ANK1: variants seen among roughly 807,000 people sequenced by gnomAD.
ANK1 encodes the protein ankyrin-1.
ANK1 carries 51 observed loss-of-function variants against 210.4 expected under a neutral mutation model. The ratio of observed to expected loss-of-function variants is 0.24; its 90% CI spans 0.19 to 0.31. The LOEUF (loss-of-function observed/expected upper bound fraction) is 0.31. Among genes scored for constraint, ANK1 ranks in the 10% least tolerant of loss-of-function variants. The pLI, the probability that ANK1 is intolerant of heterozygous loss-of-function variation, is 1.00. For missense variants in ANK1, 2,051 were observed against 2,504.4 expected (o/e 0.82, Z 3.86); for synonymous variants, 967 against 1,025.9 (o/e 0.94, Z 1.10).
At chr8:41,700,256 G>A (rs900488066) in intron 22 of ANK1, among the ~76,000 whole-genome samples, 6 of 152,206 alleles carry the variant, frequency 3.9e-5, no homozygotes, top group Non-Finnish European at 8.8e-5. Flanking sequence ...GGAGGTGCCC[G>A]CCAGGCATGG....
chr8:41,778,923 GGAGA>G (rs1554616197), intron 1 of ANK1, among the ~76,000 whole-genome samples: 3 of 152,232 alleles, frequency 2.0e-5, no homozygotes, highest in Non-Finnish European at 2.9e-5. Flanking sequence ...ATGGGAGGGA[GGAGA>G]GAGAGATAGA....
chr8:41,688,465 C>T, intron 34 of ANK1, 46 bp downstream of exon 34: 1 of 1,600,482 alleles, frequency 6.2e-7, no homozygotes, highest in Non-Finnish European at 8.6e-7. Flanking sequence ...CACGCCCACC[C>T]TTCTTGGGAA....
chr8:41,715,599 G>C, intron 14 of ANK1, 53 bp downstream of exon 14: 2 of 1,602,542 alleles, frequency 1.2e-6, no homozygotes, highest in Non-Finnish European at 1.7e-6. Context: ...CGAGCTCCAG[G>C]CCTGGCTGAG....
intron 4 of ANK1, 70 bp downstream of exon 4, chr8:41,727,838 C>G: frequency 2.0e-6 from 3 of 1,474,754 alleles, no homozygotes; most frequent in Non-Finnish European, 2.8e-6. Context: ...AATGGACCCA[C>G]GAGGGAGCAG....
Position 41,797,545 on chromosome 8 carries a change from C to T in ANK1, c.-7G>A. ...AGCCCACAGAATAGGGCATGCCGGT[C>T]TTTCAGCAGGGGCCCGCCGAAGGGC... On this transcript the variant is annotated 5_prime_UTR_variant, in exon 1 of 43. Transcript: ENST00000289734. The surrounding 1 kb of genome is among the most constrained non-coding windows in gnomAD (Gnocchi z 4.0). 9 of 1,613,700 alleles carry T rather than the reference C, an allele frequency of 5.6e-6. No homozygotes were observed. The highest frequency in any genetic ancestry group is 7.6e-6 in the Non-Finnish European group (9 of 1,179,906).
At chr8:41,829,379 C>G (rs1277258521) in intron 1 of ANK1, 1 of 152,232 alleles carries the variant, frequency 6.6e-6, no homozygotes, top group African/African-American at 2.4e-5. Flanking sequence ...GGCACATGCC[C>G]ATCGCAACCT....
chr8:41,739,095 G>A (rs1316567892), intron 2 of ANK1, among the ~76,000 whole-genome samples: 3 of 152,114 alleles, frequency 2.0e-5, no homozygotes, highest in Non-Finnish European at 2.9e-5. Flanking sequence ...AATTACATGT[G>A]TTTTAGACCA....
Position 41,696,666 on chromosome 8 carries a change from C to G in ANK1, c.2735+10G>C. Reference sequence around the variant, plus strand: ...GACAGGAGTCCCCGAGCCCTGCGCCCGCCACTCACCCTGTATGCACCGGGC... The same window carrying G: ...GACAGGAGTCCCCGAGCCCTGCGCCGGCCACTCACCCTGTATGCACCGGGC... On this transcript the variant is annotated intron_variant, in intron 25 of 42. Coordinates refer to ENST00000289734, the MANE Select transcript of ANK1 (RefSeq NM_000037.4). The G allele has an allele frequency of 6.2e-7, 1 of 1,604,894 alleles. No homozygotes were observed. The highest frequency in any genetic ancestry group is 8.5e-7 in the Non-Finnish European group (1 of 1,179,862).
At chr8:41,765,808 G>A (rs2150726149) in intron 1 of ANK1, among the ~76,000 whole-genome samples, 1 of 152,238 alleles carries the variant, frequency 6.6e-6, no homozygotes, top group East Asian at 1.9e-4. Context: ...GGGGTGCGAG[G>A]GGGCTCCAGT....
In ANK1 at chr8:41,764,040, A is replaced by G. The variant is rs114005530; in HGVS notation, c.28-5903T>C. Among the ~76,000 whole-genome samples the G allele has an allele frequency of 4.1e-3, 616 of 151,712 alleles. 3 individuals are homozygous for G. The highest frequency in any genetic ancestry group is 0.011 in the African/African-American group (438 of 41,408). The stretch of plus-strand genomic sequence containing the variant: ...ATCATTCAGTTTAATTCCACAATGT[A>G]TTTACTGGGGTCCTATTTCAGGACC... On this transcript the variant is annotated intron_variant, in intron 1 of 42. Coordinates refer to ENST00000289734, the MANE Select transcript of ANK1 (RefSeq NM_000037.4).
intron 1 of ANK1, among the ~76,000 whole-genome samples, chr8:41,770,021 G>A (rs1476860548): frequency 1.2e-5 from 1 of 80,052 alleles, no homozygotes; most frequent in African/African-American, 5.2e-5. Flanking sequence ...AGCTCTTGTT[G>A]CCCAGGCTGG....
intron 1 of ANK1, among the ~76,000 whole-genome samples, chr8:41,865,665 C>G (rs1814279196): frequency 6.6e-6 from 1 of 152,116 alleles, no homozygotes. Context: ...ACCATGCACT[C>G]AGCCAGCCTC....
chr8:41,845,719 C>A (rs746223990), intron 1 of ANK1, among the ~76,000 whole-genome samples: 10 of 152,242 alleles, frequency 6.6e-5, no homozygotes, highest in African/African-American at 9.6e-5. Context: ...TGTCTCCTCA[C>A]GAAATGATCT....
chr8:41,769,797 G>T (rs138570530), intron 1 of ANK1, among the ~76,000 whole-genome samples: 7 of 151,832 alleles, frequency 4.6e-5, no homozygotes, highest in African/African-American at 1.7e-4. Flanking sequence ...CCACATCCTT[G>T]TCAAGACTTG....
At chr8:41,721,298 A>T (rs903666622) in intron 9 of ANK1, among the ~76,000 whole-genome samples, 1 of 152,126 alleles carries the variant, frequency 6.6e-6, no homozygotes, top group African/African-American at 2.4e-5. Flanking sequence ...GAAACCAAAG[A>T]TTGTGCCCAA....
chr8:41,665,594 C>T (rs2150552490), intron 39 of ANK1: 5 of 302,218 alleles, frequency 1.7e-5, no homozygotes, highest in South Asian at 3.0e-5. Flanking sequence ...GCTGCTACTG[C>T]GGTGATCCAA....
intron 17 of ANK1, among the ~76,000 whole-genome samples, chr8:41,707,493 G>A (rs535013032): frequency 6.6e-6 from 1 of 152,204 alleles, no homozygotes; most frequent in Admixed American, 6.5e-5. Context: ...CAAAGCAGGT[G>A]GGCCCCTCCT....
intron 40 of ANK1, among the ~76,000 whole-genome samples, chr8:41,663,142 ATTT>A (rs894237164): frequency 1.8e-5 from 2 of 109,616 alleles, no homozygotes; most frequent in Non-Finnish European, 3.8e-5. Flanking sequence ...GTGTGTGTGT[ATTT>A]ATTTATTTTT....
intron 1 of ANK1, among the ~76,000 whole-genome samples, chr8:41,780,925 G>A (rs556822593): frequency 7.9e-5 from 12 of 152,090 alleles, no homozygotes; most frequent in African/African-American, 2.4e-4. Flanking sequence ...TTGGGGGAGA[G>A]GATGACAAGG....
Sources: gnomAD v4.1 joint callset for allele counts (sites outside exome capture counted in the v4.1 genomes callset) on GRCh38, gnomAD v4.1.1 for gene constraint, Gnocchi (gnomAD v3.1) non-coding constraint, MANE v1.5 for transcripts, NCBI Gene and HGNC (gene_info 2026-07-23, HGNC 2026-07-21) for gene names.